Variants in ASIC2 observed in about 807,000 individuals in gnomAD.
ASIC2 encodes the protein acid sensing ion channel subunit 2.
A neutral mutation model predicts 57.3 loss-of-function variants in ASIC2; 25 were observed. The ratio of observed to expected loss-of-function variants is 0.44; its 90% CI spans 0.32 to 0.61. ASIC2 has a LOEUF of 0.61. ASIC2 is among the 20% of genes least tolerant of loss of function. The probability of loss-of-function intolerance (pLI) is 0.06; values close to 1 mark genes in which losing one functional copy is unlikely to be tolerated. For missense variants in ASIC2, 641 were observed against 738.1 expected (o/e 0.87, Z 1.52); for synonymous variants, 319 against 307.5 (o/e 1.04, Z -0.39).
intron 1 of ASIC2, among the ~76,000 whole-genome samples, chr17:33,882,661 G>A (rs1461934317): frequency 6.6e-6 from 1 of 152,158 alleles, no homozygotes; most frequent in African/African-American, 2.4e-5. Flanking sequence ...ACTGTTGGTG[G>A]GACTGTAAAC....
At chr17:33,653,216 C>T (rs1906976398) in intron 1 of ASIC2, among the ~76,000 whole-genome samples, 1 of 152,114 alleles carries the variant, frequency 6.6e-6, no homozygotes, top group African/African-American at 2.4e-5. Context: ...GGCCTTCTTC[C>T]CTGTTCTCTA....
At chr17:33,257,466 C>T (rs902011184) in intron 1 of ASIC2, among the ~76,000 whole-genome samples, 24 of 152,172 alleles carry the variant, frequency 1.6e-4, no homozygotes, top group African/African-American at 4.1e-4. Flanking sequence ...AGTATATAGG[C>T]GAAGTGGCTG....
intron 1 of ASIC2, among the ~76,000 whole-genome samples, chr17:33,166,507 C>T (rs1905311373): frequency 6.6e-6 from 1 of 152,134 alleles, no homozygotes; most frequent in East Asian, 1.9e-4. Context: ...TGTTTGGTCC[C>T]ACCTTGTTTC....
chr17:33,067,345 G>GGCATGGAA (rs2092047701), intron 3 of ASIC2, among the ~76,000 whole-genome samples: 1 of 152,174 alleles, frequency 6.6e-6, no homozygotes, highest in Non-Finnish European at 1.5e-5. Flanking sequence ...TGGAGGAGGT[G>GGCATGGAA]GCATGGAAGG....
intron 1 of ASIC2, among the ~76,000 whole-genome samples, chr17:33,806,803 TG>T (rs1371111546): frequency 6.6e-6 from 1 of 152,182 alleles, no homozygotes; most frequent in Non-Finnish European, 1.5e-5. Flanking sequence ...GCACCTGACC[TG>T]GTCTCAGTTG....
chr17:34,151,340 G>C (rs1904518906), intron 1 of ASIC2, among the ~76,000 whole-genome samples: 1 of 152,148 alleles, frequency 6.6e-6, no homozygotes, highest in Non-Finnish European at 1.5e-5. Flanking sequence ...GAAATGGGCT[G>C]GGAGTTCTAC....
At chr17:33,392,172 TTCCTTCCTTCCTTCCTTCCTTCCC>T (rs773824977) in intron 1 of ASIC2, among the ~76,000 whole-genome samples, 14,993 of 46,974 alleles carry the variant, frequency 0.32, 1,099 homozygotes, top group Middle Eastern at 0.43. Flanking sequence ...TTTTCCTTTC[TTCCTTCCTTCCTTCCTTCCTTCCC>T]TCCTTCCTTC....
chr17:33,779,574 A>C (rs1361093217), intron 1 of ASIC2, among the ~76,000 whole-genome samples: 1 of 152,176 alleles, frequency 6.6e-6, no homozygotes, highest in African/African-American at 2.4e-5. Context: ...AGACAAACCT[A>C]AGAAACTTAG....
Position 33,292,247 on chromosome 17 carries a change from A to G in ASIC2, c.-132T>C. 12 of 994,550 alleles carry G rather than the reference A, an allele frequency of 1.2e-5. No individual in the cohort carries two copies. Among genetic ancestry groups the G allele is most frequent in the Non-Finnish European group, 1.4e-5 (12 of 837,932 alleles). 61.6% of individuals were successfully genotyped at this position (994,550 alleles called of 1,614,324 possible). A position where few individuals can be genotyped will look rare whatever the true frequency, so the allele number is the denominator to read the frequency against. The stretch of plus-strand genomic sequence containing the variant: ...CCCGCGCCAGGGAAGCGTGCGCCCG[A>G]AAGGAGCTCCGGTGGCGCGGCATGC... On this transcript the variant is annotated 5_prime_UTR_variant, in exon 1 of 10. Transcript: ENST00000225823.
intron 1 of ASIC2, among the ~76,000 whole-genome samples, chr17:33,415,032 A>T (rs950698108): frequency 2.6e-5 from 4 of 152,214 alleles, no homozygotes; most frequent in Admixed American, 6.5e-5. Flanking sequence ...CACTGTCCTC[A>T]TACTAGTGGA....
intron 1 of ASIC2, among the ~76,000 whole-genome samples, chr17:34,105,349 T>C (rs1479314062): frequency 6.6e-6 from 1 of 151,930 alleles, no homozygotes; most frequent in Non-Finnish European, 1.5e-5. Flanking sequence ...TTTCCTGTTT[T>C]TGTTTTTTGG....
intron 1 of ASIC2, among the ~76,000 whole-genome samples, chr17:33,490,331 C>T (rs1468672592): frequency 6.6e-6 from 1 of 152,170 alleles, no homozygotes; most frequent in Non-Finnish European, 1.5e-5. Context: ...ACATGATACC[C>T]CGTTAGGTGG....
intron 1 of ASIC2, among the ~76,000 whole-genome samples, chr17:33,240,873 C>CA (rs1473358149): frequency 1.3e-5 from 2 of 152,204 alleles, no homozygotes; most frequent in Non-Finnish European, 2.9e-5. Flanking sequence ...AACAAACAAA[C>CA]AAAAAAACAC....
At chr17:33,389,656 C>G (rs1909819582) in intron 1 of ASIC2, among the ~76,000 whole-genome samples, 1 of 152,160 alleles carries the variant, frequency 6.6e-6, no homozygotes, top group African/African-American at 2.4e-5. Context: ...AATCTGTCTG[C>G]AGAGGAAAGA....
chr17:33,351,659 T>C (rs1317982288), intron 1 of ASIC2, among the ~76,000 whole-genome samples: 1 of 152,196 alleles, frequency 6.6e-6, no homozygotes, highest in African/African-American at 2.4e-5. Context: ...ATGAAATGCT[T>C]GATTGTGGTG....
At chr17:33,219,247 C>T (rs1218560514) in intron 1 of ASIC2, among the ~76,000 whole-genome samples, 1 of 152,114 alleles carries the variant, frequency 6.6e-6, no homozygotes, top group African/African-American at 2.4e-5. Flanking sequence ...TACTAGTGCC[C>T]AGAGAGAAGA....
At chr17:34,085,664 G>C (rs1012587211) in intron 1 of ASIC2, among the ~76,000 whole-genome samples, 2 of 151,998 alleles carry the variant, frequency 1.3e-5, no homozygotes, top group African/African-American at 4.8e-5. Context: ...AATCCATCTG[G>C]TCCTGGACTC....
At chr17:34,012,777 T>C (rs1008699774) in intron 1 of ASIC2, among the ~76,000 whole-genome samples, 3 of 152,066 alleles carry the variant, frequency 2.0e-5, no homozygotes, top group Non-Finnish European at 2.9e-5. Flanking sequence ...AAAATGTTTA[T>C]TGAATAAATG....
At chr17:33,046,036 G>A (rs983582295) in intron 3 of ASIC2, among the ~76,000 whole-genome samples, 5 of 152,186 alleles carry the variant, frequency 3.3e-5, no homozygotes, top group Admixed American at 1.3e-4. Context: ...GTGCACAGGC[G>A]CAGCCGTGAA....
Sources: gnomAD v4.1 joint callset for allele counts (sites outside exome capture counted in the v4.1 genomes callset) on GRCh38, gnomAD v4.1.1 for gene constraint, MANE v1.5 for transcripts, NCBI Gene and HGNC (gene_info 2026-07-23, HGNC 2026-07-21) for gene names.